C1orf21: variants seen among roughly 807,000 people sequenced by gnomAD.
C1orf21 encodes the protein uncharacterized protein C1orf21.
Under a neutral mutation model 18.7 loss-of-function variants are expected in C1orf21, and 3 were observed. That is an observed-to-expected ratio of 0.16 (90% CI 0.07 to 0.42). The LOEUF (loss-of-function observed/expected upper bound fraction) is 0.42, where lower values mean the gene tolerates loss of function less well. Ranked by LOEUF, C1orf21 falls within the 10% of genes least tolerant of loss-of-function variation. C1orf21 has a pLI of 0.99. For synonymous variants in C1orf21, 41 were observed against 46.4 expected (o/e 0.88, Z 0.47); for missense variants, 104 against 143.6 (o/e 0.72, Z 1.41).
At chr1:184,551,184 C>A (rs1426437858) in intron 3 of C1orf21, among the ~76,000 whole-genome samples, 1 of 152,142 alleles carries the variant, frequency 6.6e-6, no homozygotes, top group African/African-American at 2.4e-5. Context: ...ATTCAGCAAA[C>A]TACACCAAAA....
intron 2 of C1orf21, among the ~76,000 whole-genome samples, chr1:184,492,924 CAA>C (rs1247461889): frequency 1.3e-5 from 2 of 152,146 alleles, no homozygotes; most frequent in African/African-American, 4.8e-5. Flanking sequence ...CTGATTTTCT[CAA>C]GAGCTACTGT....
chr1:184,596,643 G>A (rs185490759), intron 4 of C1orf21, among the ~76,000 whole-genome samples: 15 of 152,280 alleles, frequency 9.9e-5, no homozygotes. Flanking sequence ...GCCGAGGTGA[G>A]TGGATCACCT....
At chr1:184,478,475 T>G (rs1462837517) in intron 2 of C1orf21, among the ~76,000 whole-genome samples, 1 of 152,118 alleles carries the variant, frequency 6.6e-6, no homozygotes, top group African/African-American at 2.4e-5. Flanking sequence ...ATATTTCACA[T>G]AAAACCTCAA....
At chr1:184,596,885 A>AG (rs1659522169) in intron 4 of C1orf21, among the ~76,000 whole-genome samples, 4 of 148,884 alleles carry the variant, frequency 2.7e-5, no homozygotes, top group Admixed American at 6.8e-5. Flanking sequence ...AAAAAAAAAA[A>AG]AAAGAAAGAA....
intron 2 of C1orf21, among the ~76,000 whole-genome samples, chr1:184,493,352 TTATG>T (rs1181929468): frequency 5.9e-5 from 9 of 152,222 alleles, no homozygotes; most frequent in African/African-American, 2.2e-4. Flanking sequence ...TTTTAAAAGT[TTATG>T]TACATGGCTA....
At chr1:184,439,968 A>G (rs1302909811) in intron 1 of C1orf21, among the ~76,000 whole-genome samples, 1 of 152,236 alleles carries the variant, frequency 6.6e-6, no homozygotes, top group African/African-American at 2.4e-5. Flanking sequence ...TATGGTAGCC[A>G]ATAAATTTTT....
At chr1:184,566,564 T>G (rs1306222453) in intron 3 of C1orf21, 3 of 381,856 alleles carry the variant, frequency 7.9e-6, no homozygotes, top group Non-Finnish European at 1.5e-5. Flanking sequence ...GCTTCCTCTC[T>G]ATGGTGGGTT....
chr1:184,492,924 C>T, intron 2 of C1orf21, among the ~76,000 whole-genome samples: 1 of 152,146 alleles, frequency 6.6e-6, no homozygotes, highest in East Asian at 1.9e-4. Flanking sequence ...CTGATTTTCT[C>T]AAGAGCTACT....
At chr1:184,407,545 G>A (rs186169112) in intron 1 of C1orf21, among the ~76,000 whole-genome samples, 5 of 152,242 alleles carry the variant, frequency 3.3e-5, no homozygotes, top group African/African-American at 7.2e-5. Context: ...TTAGTGCAGC[G>A]TGTGCATCTG....
chr1:184,624,847 G>A lies in C1orf21; in HGVS notation c.*5291G>A, dbSNP rs1659980345. ...TGCTTCTTGAATCACATCCTCTAAA[G>A]ATGACTCATGTCTCCATAGCAACTG... On this transcript the variant is annotated 3_prime_UTR_variant, in exon 6 of 6. Coordinates refer to ENST00000235307, the MANE Select transcript of C1orf21 (RefSeq NM_030806.4). The A allele has an allele frequency of 2.0e-5, 3 of 152,136 alleles. No individual in the cohort carries two copies. The highest frequency in any genetic ancestry group is 2.0e-4 in the Admixed American group (3 of 15,272). The allele number at this position is 152,136 out of a possible 1,614,324, so 9.4% of individuals were successfully genotyped here. A position where few individuals can be genotyped will look rare whatever the true frequency, so the allele number is the denominator to read the frequency against.
At chr1:184,538,603 G>A (rs1024886631) in intron 3 of C1orf21, among the ~76,000 whole-genome samples, 6 of 151,878 alleles carry the variant, frequency 4.0e-5, no homozygotes, top group African/African-American at 4.8e-5. Context: ...CCTATGTTTC[G>A]ATCTTTGATC....
chr1:184,562,358 C>A (rs536411145), intron 3 of C1orf21, among the ~76,000 whole-genome samples: 1 of 152,344 alleles, frequency 6.6e-6, no homozygotes, highest in South Asian at 2.1e-4. Context: ...ATAGCAATAT[C>A]TCTCCCCGTA....
At chr1:184,495,724 A>G (rs1243979760) in intron 2 of C1orf21, among the ~76,000 whole-genome samples, 1 of 152,012 alleles carries the variant, frequency 6.6e-6, no homozygotes, top group East Asian at 1.9e-4. Context: ...GTTCAAGACC[A>G]GCCTGGCCAA....
Position 184,626,784 on chromosome 1 carries a change from C to T in C1orf21, c.*7228C>T, listed in dbSNP as rs1031827685. 6 of 152,408 alleles carry T rather than the reference C, an allele frequency of 3.9e-5. No homozygotes were observed. The highest frequency in any genetic ancestry group is 1.4e-4 in the African/African-American group (6 of 41,430). The allele number at this position is 152,408 out of a possible 1,614,324, so 9.4% of individuals were successfully genotyped here. ...TGAATTCAAGGACTTTAACCTGGGCCGGATCTGGTTTGGAGACAAAGGGGA... is the reference window on the plus strand; with the variant it reads ...TGAATTCAAGGACTTTAACCTGGGCTGGATCTGGTTTGGAGACAAAGGGGA... On this transcript the variant is annotated 3_prime_UTR_variant, in exon 6 of 6. Transcript: ENST00000235307.
chr1:184,449,659 C>T (rs997209171), intron 1 of C1orf21, among the ~76,000 whole-genome samples: 80 of 152,222 alleles, frequency 5.3e-4, no homozygotes, highest in African/African-American at 1.8e-3. Context: ...ATAGTGGACC[C>T]ATTTTCCAGG....
intron 1 of C1orf21, among the ~76,000 whole-genome samples, chr1:184,419,662 G>C (rs1656514402): frequency 1.3e-5 from 2 of 151,958 alleles, no homozygotes; most frequent in African/African-American, 4.8e-5. Context: ...AAAAAACAGA[G>C]CTTAAAGGAC....
intron 1 of C1orf21, among the ~76,000 whole-genome samples, chr1:184,449,140 G>A (rs960810115): frequency 1.3e-5 from 2 of 151,978 alleles, no homozygotes; most frequent in East Asian, 1.9e-4. Context: ...ATGTTGGTGT[G>A]CTGCACCCAT....
In C1orf21 at chr1:184,410,646, TA is replaced by T. The variant is rs1199825600; in HGVS notation, c.-125+23279del. On this transcript the variant is annotated intron_variant, in intron 1 of 5. Transcript: ENST00000235307. Reference sequence around the variant, plus strand: ...ATATATATATATATATATATATATATATATATATATATATATATTTTTTTTT... The same window carrying T: ...ATATATATATATATATATATATATATTATATATATATATATATTTTTTTTT... Among the ~76,000 whole-genome samples the T allele has an allele frequency of 2.9e-3, 17 of 5,822 alleles. 1 individual carries two copies. The highest frequency in any genetic ancestry group is 0.012 in the African/African-American group (3 of 260). 3.8% of individuals were successfully genotyped at this position (5,822 alleles called of 152,430 possible).
intron 1 of C1orf21, among the ~76,000 whole-genome samples, chr1:184,473,697 G>T (rs1657527477): frequency 6.6e-6 from 1 of 152,126 alleles, no homozygotes; most frequent in Non-Finnish European, 1.5e-5. Context: ...TGTTTCTTTA[G>T]CTCTGCTCAG....
Sources: allele counts gnomAD v4.1 joint callset (sites outside exome capture counted in the v4.1 genomes callset), GRCh38; gene constraint gnomAD v4.1.1; transcripts MANE v1.5; gene names NCBI Gene and HGNC (gene_info 2026-07-23, HGNC 2026-07-21).